The following GNA14 variants were observed in gnomAD, a reference collection of about 807,000 sequenced individuals.
The protein encoded by GNA14 is G protein subunit alpha 14.
In GNA14, 50 loss-of-function variants were observed where a neutral mutation model predicts 42.0. That is an observed-to-expected ratio of 1.19 (90% CI 0.95 to 1.51). GNA14 has a LOEUF of 1.51. GNA14 is among the 40% of genes most tolerant of loss of function. The pLI is 0.00. For synonymous variants in GNA14, 173 were observed against 163.1 expected, an observed-to-expected ratio of 1.06 and a Z score of -0.46; for missense variants, 473 against 446.2, an observed-to-expected ratio of 1.06 and a Z score of -0.54.
At chr9:77,511,693 G>A (rs112664072) in intron 2 of GNA14, among the ~76,000 whole-genome samples, 23 of 152,102 alleles carry the variant, frequency 1.5e-4, no homozygotes, top group African/African-American at 5.5e-4. Context: ...CTGTCTTCTG[G>A]CCCCACTCTC....
At chr9:77,543,666 T>A (rs775189692) in intron 1 of GNA14, among the ~76,000 whole-genome samples, 65 of 152,206 alleles carry the variant, frequency 4.3e-4, no homozygotes, top group Non-Finnish European at 8.4e-4. Flanking sequence ...CTTTTCCCCA[T>A]GTTTGGGAGC....
At chr9:77,450,553 C>T (rs866106229) in intron 2 of GNA14, among the ~76,000 whole-genome samples, 5 of 152,030 alleles carry the variant, frequency 3.3e-5, no homozygotes, top group Non-Finnish European at 5.9e-5. Context: ...CATTCTCCAA[C>T]GTGTACAGAG....
chr9:77,475,094 T>C (rs1836395624), intron 2 of GNA14, among the ~76,000 whole-genome samples: 1 of 151,748 alleles, frequency 6.6e-6, no homozygotes, highest in Non-Finnish European at 1.5e-5. Context: ...GGCAGCTGTT[T>C]GTGTTGAAAC....
intron 2 of GNA14, among the ~76,000 whole-genome samples, chr9:77,480,081 C>T (rs1836515824): frequency 6.6e-6 from 1 of 152,146 alleles, no homozygotes. Context: ...GAACTTCCAA[C>T]ACTATATTGA....
intron 3 of GNA14, among the ~76,000 whole-genome samples, chr9:77,434,120 GGCTTAGAACACA>G (rs1163114152): frequency 7.2e-5 from 11 of 152,178 alleles, no homozygotes; most frequent in African/African-American, 2.7e-4. Context: ...GAAAACGACA[GGCTTAGAACACA>G]GCAAGAGCAG....
At chr9:77,513,937 C>A (rs569321102) in intron 2 of GNA14, among the ~76,000 whole-genome samples, 1 of 150,144 alleles carries the variant, frequency 6.7e-6, no homozygotes, top group African/African-American at 2.5e-5. Context: ...CATAAGCAAG[C>A]CATTGTTCCC....
chr9:77,554,877 TG>T (rs1822740661), intron 1 of GNA14, among the ~76,000 whole-genome samples: 5 of 152,198 alleles, frequency 3.3e-5, no homozygotes, highest in Non-Finnish European at 7.3e-5. Context: ...TTTTTTTAAA[TG>T]CAAATGTAAA....
At chr9:77,538,441 G>A (rs1003600320) in intron 1 of GNA14, among the ~76,000 whole-genome samples, 1 of 151,884 alleles carries the variant, frequency 6.6e-6, no homozygotes, top group Non-Finnish European at 1.5e-5. Flanking sequence ...CATGAAACTT[G>A]GGATTTTTTT....
chr9:77,585,693 G>GAGCA (rs1012339006), intron 1 of GNA14, among the ~76,000 whole-genome samples: 5 of 152,166 alleles, frequency 3.3e-5, no homozygotes, highest in African/African-American at 1.2e-4. Context: ...GACCAGCACA[G>GAGCA]AGCAGCACAG....
At chr9:77,619,928 A>C (rs1212107581) in intron 1 of GNA14, among the ~76,000 whole-genome samples, 1 of 152,176 alleles carries the variant, frequency 6.6e-6, no homozygotes, top group Non-Finnish European at 1.5e-5. Flanking sequence ...GTTTTGATAC[A>C]CTGGAATTAC....
At chr9:77,434,023 A>G (rs144659907) in intron 3 of GNA14, among the ~76,000 whole-genome samples, 1 of 152,302 alleles carries the variant, frequency 6.6e-6, no homozygotes, top group East Asian at 1.9e-4. Flanking sequence ...AAGCAAGGGT[A>G]TTTCTTGTTT....
chr9:77,497,373 G>A (rs1587800150), intron 2 of GNA14, among the ~76,000 whole-genome samples: 1 of 152,114 alleles, frequency 6.6e-6, no homozygotes, highest in Non-Finnish European at 1.5e-5. Flanking sequence ...CAGATATCCT[G>A]TTTCCAGCCA....
chr9:77,506,060 T>G (rs1365928208), intron 2 of GNA14, among the ~76,000 whole-genome samples: 1 of 151,322 alleles, frequency 6.6e-6, no homozygotes, highest in Non-Finnish European at 1.5e-5. Flanking sequence ...GGCCAGGAGT[T>G]CAAGATTAGT....
At chr9:77,646,159 CT>C (rs1461648824) in intron 1 of GNA14, among the ~76,000 whole-genome samples, 2 of 152,138 alleles carry the variant, frequency 1.3e-5, no homozygotes, top group South Asian at 2.1e-4. Flanking sequence ...TCCCTCTCTC[CT>C]AGGGGGGCCT....
At chr9:77,581,021 C>A (rs1823216565) in intron 1 of GNA14, among the ~76,000 whole-genome samples, 1 of 151,870 alleles carries the variant, frequency 6.6e-6, no homozygotes, top group South Asian at 2.1e-4. Flanking sequence ...CACACACACA[C>A]ACACACACAC....
chr9:77,583,402 C>G (rs1350769037), intron 1 of GNA14, among the ~76,000 whole-genome samples: 1 of 152,204 alleles, frequency 6.6e-6, no homozygotes, highest in African/African-American at 2.4e-5. Flanking sequence ...TTCAAGGAAT[C>G]TGGACTCCTC....
At chr9:77,474,359 A>G (rs1836381042) in intron 2 of GNA14, among the ~76,000 whole-genome samples, 1 of 151,166 alleles carries the variant, frequency 6.6e-6, no homozygotes, top group Non-Finnish European at 1.5e-5. Flanking sequence ...AGGCATTTCT[A>G]CAAAGAAGAT....
At chr9:77,554,219 C>A (rs1162481622) in intron 1 of GNA14, among the ~76,000 whole-genome samples, 1 of 152,182 alleles carries the variant, frequency 6.6e-6, no homozygotes, top group African/African-American at 2.4e-5. Context: ...CTGTTACTTT[C>A]AGGTGAAGAT....
intron 1 of GNA14, among the ~76,000 whole-genome samples, chr9:77,578,804 C>A (rs1212047807): frequency 1.3e-5 from 2 of 152,128 alleles, no homozygotes; most frequent in Non-Finnish European, 2.9e-5. Flanking sequence ...AAAGAGGATT[C>A]ATTACTGGAA....
Sources: allele counts gnomAD v4.1 joint callset (sites outside exome capture counted in the v4.1 genomes callset), GRCh38; gene constraint gnomAD v4.1.1; transcripts MANE v1.5; gene names NCBI Gene and HGNC (gene_info 2026-07-23, HGNC 2026-07-21).